Variants in GBE1 observed in about 807,000 individuals in gnomAD.
The protein encoded by GBE1 is 1,4-alpha-glucan branching enzyme 1.
In GBE1, 70 loss-of-function variants were observed where a neutral mutation model predicts 88.8. That is an observed-to-expected ratio of 0.79 (90% CI 0.65 to 0.96). The LOEUF (loss-of-function observed/expected upper bound fraction) is 0.96, where lower values mean the gene tolerates loss of function less well. Among genes scored for constraint, GBE1 ranks in the 40% least tolerant of loss-of-function variants. The probability of loss-of-function intolerance (pLI) is 0.00; values close to 1 mark genes in which losing one functional copy is unlikely to be tolerated. For missense variants in GBE1, 872 were observed against 871.0 expected (o/e 1.00, Z -0.01); for synonymous variants, 284 against 300.1 (o/e 0.95, Z 0.56).
At position 81,541,604 on chromosome 3, in the gene GBE1, T is replaced by C. The variant is rs530080045; in HGVS notation, c.1619-4509A>G. Among the ~76,000 whole-genome samples, 6 of 152,126 alleles carry C rather than the reference T, an allele frequency of 3.9e-5. No individual in the cohort carries two copies. In the East Asian group the frequency reaches 1.2e-3, roughly 30 times the overall value. Reference sequence around the variant, plus strand: ...TGTTATAAAACAGGCCCCAGAGAGCTGCCTTGTTTCTTCTGCTGTGGAGGA... The same window carrying C: ...TGTTATAAAACAGGCCCCAGAGAGCCGCCTTGTTTCTTCTGCTGTGGAGGA... On this transcript the variant is annotated intron_variant, in intron 12 of 15. Transcript: ENST00000429644.
At chr3:81,551,939 T>C (rs922923029) in intron 12 of GBE1, among the ~76,000 whole-genome samples, 6 of 152,184 alleles carry the variant, frequency 3.9e-5, no homozygotes, top group Admixed American at 3.9e-4. Context: ...AATGTGGTGC[T>C]GAATGTTAGA....
intron 12 of GBE1, among the ~76,000 whole-genome samples, chr3:81,546,572 C>A (rs1291933470): frequency 6.6e-6 from 1 of 151,404 alleles, no homozygotes; most frequent in African/African-American, 2.4e-5. Context: ...CCAGCTAAAA[C>A]CCACCAAAAC....
chr3:81,519,087 C>T (rs1559631481), intron 14 of GBE1, among the ~76,000 whole-genome samples: 1 of 151,544 alleles, frequency 6.6e-6, no homozygotes, highest in Non-Finnish European at 1.5e-5. Context: ...CTAATAAACA[C>T]AGTGTTACAT....
chr3:81,726,080 T>A (rs2107197293), intron 1 of GBE1, among the ~76,000 whole-genome samples: 1 of 152,250 alleles, frequency 6.6e-6, no homozygotes, highest in African/African-American at 2.4e-5. Context: ...TAGAGGAATA[T>A]GAACCACATT....
intron 2 of GBE1, among the ~76,000 whole-genome samples, chr3:81,700,996 A>G (rs1705679192): frequency 6.6e-6 from 1 of 152,208 alleles, no homozygotes; most frequent in South Asian, 2.1e-4. Context: ...TAGATACTGG[A>G]AAGCAGCTAG....
chr3:81,749,148 C>A (rs1408478716), intron 1 of GBE1, among the ~76,000 whole-genome samples: 1 of 151,946 alleles, frequency 6.6e-6, no homozygotes, highest in African/African-American at 2.4e-5. Flanking sequence ...ATATTCATAT[C>A]TTAGGTTTAC....
intron 1 of GBE1, among the ~76,000 whole-genome samples, chr3:81,744,376 C>T (rs1253407908): frequency 4.6e-5 from 7 of 152,104 alleles, no homozygotes; most frequent in African/African-American, 1.7e-4. Context: ...TTTAATGTGG[C>T]TACTAGAAAA....
At chr3:81,631,759 A>C (rs1434557757) in intron 7 of GBE1, among the ~76,000 whole-genome samples, 2 of 151,348 alleles carry the variant, frequency 1.3e-5, no homozygotes, top group Admixed American at 6.6e-5. Context: ...AAAAAAAAAA[A>C]CATAAAAAAT....
intron 3 of GBE1, 84 bp from the exon 4 acceptor site, chr3:81,650,005 T>C (rs890941670): frequency 6.5e-6 from 7 of 1,071,986 alleles, no homozygotes; most frequent in African/African-American, 1.6e-5. Context: ...CTGCTACAAG[T>C]AGGAAAGGAG....
intron 7 of GBE1, among the ~76,000 whole-genome samples, chr3:81,607,227 GT>G (rs1317308977): frequency 1.3e-5 from 2 of 152,088 alleles, no homozygotes; most frequent in Non-Finnish European, 2.9e-5. Flanking sequence ...AAAAACTATT[GT>G]TTACCTCTTC....
intron 12 of GBE1, among the ~76,000 whole-genome samples, chr3:81,564,723 T>C (rs1032878075): frequency 2.0e-5 from 3 of 152,156 alleles, no homozygotes; most frequent in African/African-American, 7.2e-5. Context: ...GTTTTTCCAG[T>C]AGTGGGCATT....
In GBE1 at chr3:81,517,654, C is replaced by T. The variant is rs533270253; in HGVS notation, c.1934+17541G>A. Among the ~76,000 whole-genome samples, 15 of 151,412 alleles carry T rather than the reference C, an allele frequency of 9.9e-5. 2 individuals carry two copies. The South Asian group carries it at 3.1e-3, about 32-fold the overall frequency. ...ATGAAGATCTGCTCAGCAAGCACATCATAGTATAATAATATATTAATTGTG... is the reference window on the plus strand; with the variant it reads ...ATGAAGATCTGCTCAGCAAGCACATTATAGTATAATAATATATTAATTGTG... On this transcript the variant is annotated intron_variant, in intron 14 of 15. Transcript: ENST00000429644.
chr3:81,563,306 C>T lies in GBE1; in HGVS notation c.1618+14619G>A, dbSNP rs574695805. 1.2e-3 allele frequency among the ~76,000 whole-genome samples: 176 copies of T among 151,986 alleles called. 2 individuals carry two copies. The highest frequency in any genetic ancestry group is 4.0e-3 in the African/African-American group (167 of 41,466). Reference sequence around the variant, plus strand: ...TACTAATATAGCAAAATTAGAAAGGCGAGAATTAGTGAAGGTGAGAGATGA... The same window carrying T: ...TACTAATATAGCAAAATTAGAAAGGTGAGAATTAGTGAAGGTGAGAGATGA... On this transcript the variant is annotated intron_variant, in intron 12 of 15. Transcript: ENST00000429644.
chr3:81,723,256 GT>G (rs200055419), intron 1 of GBE1, among the ~76,000 whole-genome samples: 3 of 122,026 alleles, frequency 2.5e-5, no homozygotes, highest in East Asian at 2.7e-4. Flanking sequence ...AATAAAAGTT[GT>G]TTTGTTTTTT....
At chr3:81,758,312 T>C (rs1309262386) in intron 1 of GBE1, among the ~76,000 whole-genome samples, 2 of 152,242 alleles carry the variant, frequency 1.3e-5, no homozygotes, top group Non-Finnish European at 1.5e-5. Flanking sequence ...AATTGTGTTG[T>C]TTTGACAATG....
intron 7 of GBE1, chr3:81,612,944 T>C: frequency 2.6e-6 from 1 of 388,814 alleles, no homozygotes; most frequent in Non-Finnish European, 4.8e-6. Context: ...AAAAAGATGA[T>C]GATGATGATG....
At chr3:81,491,299 C>A (rs965168973) in intron 15 of GBE1, among the ~76,000 whole-genome samples, 1 of 152,128 alleles carries the variant, frequency 6.6e-6, no homozygotes, top group Non-Finnish European at 1.5e-5. Context: ...ACACTTAACA[C>A]AATTTGTGAA....
intron 7 of GBE1, among the ~76,000 whole-genome samples, chr3:81,611,565 T>C (rs1021933131): frequency 6.6e-6 from 1 of 152,150 alleles, no homozygotes; most frequent in African/African-American, 2.4e-5. Flanking sequence ...AATTTTCTAA[T>C]GGAGAGACCC....
chr3:81,623,142 C>G (rs1378829208), intron 7 of GBE1, among the ~76,000 whole-genome samples: 1 of 152,202 alleles, frequency 6.6e-6, no homozygotes, highest in Non-Finnish European at 1.5e-5. Context: ...AATCTCCTTA[C>G]AAGGGCCTAC....
Sources: allele counts gnomAD v4.1 joint callset (sites outside exome capture counted in the v4.1 genomes callset), GRCh38; gene constraint gnomAD v4.1.1; transcripts MANE v1.5; gene names NCBI Gene and HGNC (gene_info 2026-07-23, HGNC 2026-07-21).